Variants in TBC1D22A observed in about 807,000 individuals in gnomAD.
The protein encoded by TBC1D22A is TBC1 domain family member 22A.
TBC1D22A carries 38 observed loss-of-function variants against 60.2 expected under a neutral mutation model. The observed-to-expected ratio is 0.63, with a 90% CI of 0.49 to 0.83. The LOEUF is 0.83. Among genes scored for constraint, TBC1D22A ranks in the 40% least tolerant of loss-of-function variants. The pLI is 0.00. For missense variants in TBC1D22A, 628 were observed against 701.0 expected, an observed-to-expected ratio of 0.90 and a Z score of 1.18; for synonymous variants, 302 against 281.7, an observed-to-expected ratio of 1.07 and a Z score of -0.72.
rs1602048772 is a variant in TBC1D22A, at chr22:46,828,310, A to G, written c.637+30690A>G. Reference sequence around the variant, plus strand: ...TCATAATTCTGCAGGAAGAAAGACAAAGGAATTAAAGATTGAAAAGGCAAG... The same window carrying G: ...TCATAATTCTGCAGGAAGAAAGACAGAGGAATTAAAGATTGAAAAGGCAAG... On this transcript the variant is annotated intron_variant, in intron 4 of 12. Coordinates refer to ENST00000337137, the MANE Select transcript of TBC1D22A (RefSeq NM_014346.5). 2.0e-5 allele frequency among the ~76,000 whole-genome samples: 3 copies of G among 152,234 alleles called. No individual in the cohort carries two copies. The East Asian group carries it at 5.8e-4, about 29-fold the overall frequency.
At chr22:46,935,762 C>T (rs1041219494) in intron 8 of TBC1D22A, among the ~76,000 whole-genome samples, 2 of 152,088 alleles carry the variant, frequency 1.3e-5, no homozygotes, top group East Asian at 1.9e-4. Flanking sequence ...TTTGCTGTCG[C>T]GCTGTCTCCT....
chr22:46,888,980 A>C (rs1393819857), intron 5 of TBC1D22A, among the ~76,000 whole-genome samples: 3 of 152,254 alleles, frequency 2.0e-5, no homozygotes, highest in Non-Finnish European at 4.4e-5. Flanking sequence ...CTGGGATTAC[A>C]GGTGTGAGCT....
chr22:47,060,064 C>T (rs2063516810), intron 11 of TBC1D22A, among the ~76,000 whole-genome samples: 1 of 152,054 alleles, frequency 6.6e-6, no homozygotes, highest in African/African-American at 2.4e-5. Context: ...GAGAAAAGGC[C>T]TCATTTGGAC....
chr22:46,872,877 G>A (rs558171443), intron 4 of TBC1D22A, among the ~76,000 whole-genome samples: 1 of 152,194 alleles, frequency 6.6e-6, no homozygotes, highest in African/African-American at 2.4e-5. Flanking sequence ...AAAAAGCAGT[G>A]AGTTGAATAA....
intron 10 of TBC1D22A, among the ~76,000 whole-genome samples, chr22:47,002,144 C>T (rs1351471668): frequency 6.6e-6 from 1 of 152,258 alleles, no homozygotes; most frequent in African/African-American, 2.4e-5. Context: ...CCTTTACTCT[C>T]CAACTGATAG....
chr22:47,045,176 CT>C (rs1397569772), intron 11 of TBC1D22A, among the ~76,000 whole-genome samples: 3 of 152,204 alleles, frequency 2.0e-5, no homozygotes, highest in Non-Finnish European at 2.9e-5. Flanking sequence ...GACCTTTGTT[CT>C]TTCTGAAAAG....
At chr22:47,053,779 T>C (rs16996246) in intron 11 of TBC1D22A, among the ~76,000 whole-genome samples, 2,947 of 152,310 alleles carry the variant, frequency 0.019, 99 homozygotes, top group African/African-American at 0.064. Context: ...CAGGCGCTGG[T>C]TTGGATTCCC....
At chr22:46,857,834 A>G (rs2147325633) in intron 4 of TBC1D22A, among the ~76,000 whole-genome samples, 1 of 152,346 alleles carries the variant, frequency 6.6e-6, no homozygotes. Flanking sequence ...TGGCCAAATA[A>G]GATTCCATTG....
chr22:47,147,891 GA>G (rs2067345440), intron 12 of TBC1D22A, among the ~76,000 whole-genome samples: 1 of 152,228 alleles, frequency 6.6e-6, no homozygotes, highest in Non-Finnish European at 1.5e-5. Context: ...GGAAGGATGG[GA>G]AGTGGAGGCC....
chr22:46,853,543 G>A (rs940035649), intron 4 of TBC1D22A, among the ~76,000 whole-genome samples: 3 of 152,190 alleles, frequency 2.0e-5, no homozygotes, highest in African/African-American at 4.8e-5. Flanking sequence ...AGGGCTTCAC[G>A]TCAGCTGCTG....
At chr22:47,044,506 A>G (rs972341488) in intron 11 of TBC1D22A, among the ~76,000 whole-genome samples, 1 of 152,200 alleles carries the variant, frequency 6.6e-6, no homozygotes, top group East Asian at 1.9e-4. Flanking sequence ...GTGCCACAGC[A>G]TGGATTCTGT....
intron 4 of TBC1D22A, among the ~76,000 whole-genome samples, chr22:46,861,005 A>G (rs556552930): frequency 6.6e-6 from 1 of 152,214 alleles, no homozygotes; most frequent in African/African-American, 2.4e-5. Context: ...GGCAGGGTCT[A>G]AGCTCTGTTG....
intron 11 of TBC1D22A, among the ~76,000 whole-genome samples, chr22:47,092,924 T>C (rs1569439034): frequency 6.6e-6 from 1 of 152,230 alleles, no homozygotes; most frequent in Non-Finnish European, 1.5e-5. Flanking sequence ...TTTAGAGTGG[T>C]GCTCACAGAC....
intron 4 of TBC1D22A, among the ~76,000 whole-genome samples, chr22:46,846,904 C>T (rs2087022111): frequency 6.6e-6 from 1 of 152,200 alleles, no homozygotes; most frequent in East Asian, 1.9e-4. Flanking sequence ...CGTCAGTATA[C>T]ATTCCACAAA....
chr22:46,856,650 G>A (rs1466661682), intron 4 of TBC1D22A, among the ~76,000 whole-genome samples: 6 of 152,128 alleles, frequency 3.9e-5, no homozygotes, highest in African/African-American at 1.4e-4. Context: ...GTGGGGGCTG[G>A]TACCAGACGT....
intron 8 of TBC1D22A, among the ~76,000 whole-genome samples, chr22:46,967,939 C>T (rs1414948232): frequency 3.9e-5 from 6 of 152,144 alleles, no homozygotes; most frequent in Non-Finnish European, 5.9e-5. Flanking sequence ...TTCCAGAGCA[C>T]CCCCTGGTAA....
At chr22:47,081,566 A>G (rs188284855) in intron 11 of TBC1D22A, among the ~76,000 whole-genome samples, 249 of 152,382 alleles carry the variant, frequency 1.6e-3, no homozygotes, top group African/African-American at 5.6e-3. Context: ...TTTGGATTAT[A>G]TAGATAGAAA....
intron 11 of TBC1D22A, among the ~76,000 whole-genome samples, chr22:47,090,572 G>A (rs1313039777): frequency 6.6e-6 from 1 of 152,252 alleles, no homozygotes; most frequent in African/African-American, 2.4e-5. Flanking sequence ...TCTCCTGGGG[G>A]TGTCCGGTGG....
intron 12 of TBC1D22A, among the ~76,000 whole-genome samples, chr22:47,134,396 A>G (rs738666): frequency 0.44 from 67,548 of 152,174 alleles, 15,603 homozygotes; most frequent in African/African-American, 0.54. Flanking sequence ...AGGGTGGGCC[A>G]GGGTGGAAGG....
Sources: gnomAD v4.1 joint callset for allele counts (sites outside exome capture counted in the v4.1 genomes callset) on GRCh38, gnomAD v4.1.1 for gene constraint, MANE v1.5 for transcripts, NCBI Gene and HGNC (gene_info 2026-07-23, HGNC 2026-07-21) for gene names.